PIR: variants seen among roughly 807,000 people sequenced by gnomAD.
PIR encodes the protein pirin.
A neutral mutation model predicts 24.2 loss-of-function variants in PIR; 22 were observed. That is an observed-to-expected ratio of 0.91 (90% CI 0.65 to 1.30). PIR has a LOEUF of 1.30. PIR is among the 50% of genes most tolerant of loss of function. PIR has a pLI of 0.00. For synonymous variants in PIR, 80 were observed against 79.6 expected, an observed-to-expected ratio of 1.00 and a Z score of -0.03; for missense variants, 220 against 220.3, an observed-to-expected ratio of 1.00 and a Z score of 0.01.
chrX:15,416,788 C>T (rs1212296401), intron 6 of PIR, among the ~76,000 whole-genome samples: 1 of 111,761 alleles, frequency 8.9e-6, no homozygotes, highest in Non-Finnish European at 1.9e-5. Flanking sequence ...CTATATAGAG[C>T]CCCATGTGGC....
At chrX:15,483,993 T>C in intron 2 of PIR, among the ~76,000 whole-genome samples, 1 of 111,566 alleles carries the variant, frequency 9.0e-6, no homozygotes, top group Non-Finnish European at 1.9e-5. Flanking sequence ...TATCGAAGAG[T>C]TTTATATGAG....
chrX:15,442,629 G>A (rs933277244), intron 5 of PIR, among the ~76,000 whole-genome samples: 1 of 112,022 alleles, frequency 8.9e-6, no homozygotes, highest in African/African-American at 3.2e-5. Flanking sequence ...CTACTCCAGC[G>A]AACACACAGA....
intron 6 of PIR, among the ~76,000 whole-genome samples, chrX:15,409,348 C>T (rs1569196182): frequency 9.1e-6 from 1 of 109,817 alleles, no homozygotes; most frequent in Non-Finnish European, 1.9e-5. Context: ...CCACCCGCCT[C>T]GGCCTCCCAA....
At chrX:15,387,350 AC>A (rs2037404530) in intron 9 of PIR, among the ~76,000 whole-genome samples, 1 of 105,848 alleles carries the variant, frequency 9.4e-6, no homozygotes, top group South Asian at 4.1e-4. Context: ...GCCAGCCTCG[AC>A]CTCCCAAAGT....
intron 6 of PIR, among the ~76,000 whole-genome samples, chrX:15,412,232 T>C (rs756236746): frequency 1.6e-4 from 18 of 111,972 alleles, no homozygotes; most frequent in Non-Finnish European, 2.3e-4. Flanking sequence ...CTGCACTTAG[T>C]TGTCATGTCT....
At chrX:15,477,270 C>T (rs901662904) in intron 3 of PIR, among the ~76,000 whole-genome samples, 1 of 111,287 alleles carries the variant, frequency 9.0e-6, no homozygotes, top group African/African-American at 3.3e-5. Flanking sequence ...TACCTACACT[C>T]CTGAGGAAAA....
At chrX:15,455,749 A>G in intron 5 of PIR, 99 bp downstream of exon 5, 1 of 648,951 alleles carries the variant, frequency 1.5e-6, no homozygotes, top group Admixed American at 2.5e-5. Context: ...CCCATGGGAC[A>G]TGAATTTTGG....
At chrX:15,449,284 C>T (rs1241141116) in intron 5 of PIR, among the ~76,000 whole-genome samples, 1 of 111,598 alleles carries the variant, frequency 9.0e-6, no homozygotes, top group African/African-American at 3.3e-5. Flanking sequence ...CCTCCCTTGC[C>T]CGGTGTCAAA....
At chrX:15,404,873 C>A (rs543814355) in intron 7 of PIR, among the ~76,000 whole-genome samples, 2 of 111,755 alleles carry the variant, frequency 1.8e-5, no homozygotes, top group South Asian at 7.6e-4. Flanking sequence ...GTTGTGTGAG[C>A]TGGATTCTCT....
At chrX:15,453,807 T>G (rs1439373832) in intron 5 of PIR, among the ~76,000 whole-genome samples, 2 of 112,117 alleles carry the variant, frequency 1.8e-5, no homozygotes, top group Non-Finnish European at 3.8e-5. Context: ...TTTCTATAAA[T>G]GAGAAGTAGT....
intron 5 of PIR, among the ~76,000 whole-genome samples, chrX:15,445,893 G>A (rs1478419907): frequency 1.2e-5 from 1 of 86,544 alleles, no homozygotes; most frequent in Non-Finnish European, 2.1e-5. Context: ...GCTGTGGCGC[G>A]ATCTCGGCTC....
chrX:15,419,930 G>A (rs1925068404), intron 6 of PIR, among the ~76,000 whole-genome samples: 1 of 100,415 alleles, frequency 1.0e-5, no homozygotes, highest in Non-Finnish European at 2.0e-5. Context: ...TGGGCGCAGT[G>A]GCTCACACCT....
At chrX:15,464,373 A>ATTTT (rs1921450040) in intron 3 of PIR, 1 of 745,163 alleles carries the variant, frequency 1.3e-6, no homozygotes, top group Non-Finnish European at 1.6e-6. Context: ...AATGGAAACA[A>ATTTT]CTTTTTTGTT....
At chrX:15,406,908 T>C (rs1924565246) in intron 7 of PIR, among the ~76,000 whole-genome samples, 1 of 112,271 alleles carries the variant, frequency 8.9e-6, no homozygotes, top group South Asian at 3.7e-4. Context: ...AGAGCAGGAT[T>C]GAGGAGACCT....
intron 3 of PIR, among the ~76,000 whole-genome samples, chrX:15,462,594 A>T (rs111768979): frequency 0.035 from 3,948 of 112,373 alleles, 164 homozygotes; most frequent in African/African-American, 0.12. Context: ...TCATCGAATA[A>T]GTCAAAGCCA....
At chrX:15,456,645 A>G (rs768185122) in intron 4 of PIR, among the ~76,000 whole-genome samples, 24 of 112,493 alleles carry the variant, frequency 2.1e-4, no homozygotes, top group African/African-American at 6.1e-4. Flanking sequence ...GTTCCTAGGA[A>G]GGGAAGCCGT....
intron 6 of PIR, among the ~76,000 whole-genome samples, chrX:15,410,212 C>T (rs745646354): frequency 2.7e-5 from 3 of 110,989 alleles, no homozygotes; most frequent in African/African-American, 9.9e-5. Flanking sequence ...GATCTCGCCA[C>T]AGCACTCCAG....
chrX:15,458,349 T>C (rs751127005), intron 4 of PIR, among the ~76,000 whole-genome samples: 2 of 111,871 alleles, frequency 1.8e-5, no homozygotes, highest in African/African-American at 3.3e-5. Flanking sequence ...AATAATATTA[T>C]GGTTCTTTTT....
intron 3 of PIR, among the ~76,000 whole-genome samples, chrX:15,464,749 G>C (rs1250825932): frequency 8.9e-6 from 1 of 112,397 alleles, no homozygotes; most frequent in Non-Finnish European, 1.9e-5. Context: ...GTGGTGTCTA[G>C]AATTGCTTTG....
Sources: allele counts gnomAD v4.1 joint callset (sites outside exome capture counted in the v4.1 genomes callset), GRCh38; gene constraint gnomAD v4.1.1; transcripts MANE v1.5; gene names NCBI Gene and HGNC (gene_info 2026-07-23, HGNC 2026-07-21).